Variants in RAB3GAP1 observed in about 807,000 individuals in gnomAD.
RAB3GAP1 encodes the protein rab3 GTPase-activating protein catalytic subunit.
A neutral mutation model predicts 130.7 loss-of-function variants in RAB3GAP1; 86 were observed. The observed-to-expected ratio is 0.66, with a 90% confidence interval of 0.55 to 0.79. RAB3GAP1 has a LOEUF of 0.79. RAB3GAP1 is among the 30% of genes least tolerant of loss of function. The pLI, the probability that RAB3GAP1 is intolerant of heterozygous loss-of-function variation, is 0.00. For synonymous variants in RAB3GAP1, 367 were observed against 401.7 expected (o/e 0.91, Z 1.03); for missense variants, 1,029 against 1,169.4 (o/e 0.88, Z 1.75).
intron 3 of RAB3GAP1, among the ~76,000 whole-genome samples, chr2:135,081,705 A>G (rs2104860104): frequency 6.6e-6 from 1 of 152,250 alleles, no homozygotes; most frequent in Non-Finnish European, 1.5e-5. Flanking sequence ...ATTTTATTCC[A>G]GAAATAGATG....
Position 135,094,725 on chromosome 2 carries a change from C to T in RAB3GAP1, c.362+1032C>T, listed in dbSNP as rs1467545913. Among the ~76,000 whole-genome samples the T allele has an allele frequency of 2.0e-5, 3 of 152,198 alleles. No homozygotes were observed. In the East Asian group the frequency reaches 5.8e-4, roughly 29 times the overall value. On this transcript the variant is annotated intron_variant, in intron 5 of 23. Transcript: ENST00000264158. ...ATGACTATCCATAAGACACTAACAT[C>T]ATTCTATTCTCTTATCTCCGTGAGT...
chr2:135,057,860 C>T, intron 2 of RAB3GAP1, 151 bp from the exon 3 acceptor site: 1 of 644,218 alleles, frequency 1.6e-6, no homozygotes, highest in South Asian at 1.8e-5. Context: ...TCTCTTACCC[C>T]ATATCCATAA....
At chr2:135,075,826 T>C (rs1689617215) in intron 3 of RAB3GAP1, among the ~76,000 whole-genome samples, 1 of 152,086 alleles carries the variant, frequency 6.6e-6, no homozygotes, top group Non-Finnish European at 1.5e-5. Context: ...AGAGTGTCAG[T>C]CTCTGTAGGC....
Position 135,162,796 on chromosome 2 carries a change from T to A in RAB3GAP1, c.2435T>A (p.Ile812Lys), listed in dbSNP as rs774735851. Residue 812 changes from isoleucine to lysine, a missense_variant, in exon 21 of 24, where the codon ATA becomes AAA. Physicochemically the swap from Ile to Lys is moderately radical, Grantham distance 102 (BLOSUM62 -3). This residue lies in a region of RAB3GAP1 where 373 missense variants were observed against 493.6 expected (regional missense o/e 0.76). Transcript: ENST00000264158. ...SSVKKIIKQI[I>K]SHSSKVLHFP... ...GTTAAGAAGATCATAAAGCAGATAA[T>A]ATCCCATTCCAGTAAAGTTTTGCAC... 1 of 1,613,908 alleles carries A rather than the reference T, an allele frequency of 6.2e-7. No homozygotes were observed. The highest frequency in any genetic ancestry group is 1.1e-5 in the South Asian group (1 of 91,086).
intron 15 of RAB3GAP1, 116 bp downstream of exon 15, chr2:135,134,149 C>G: frequency 8.6e-7 from 1 of 1,165,904 alleles, no homozygotes; most frequent in Non-Finnish European, 1.2e-6. Flanking sequence ...TGGCAAGAAG[C>G]TTAGACATGA....
chr2:135,166,016 A>G (rs1428307526), intron 23 of RAB3GAP1, among the ~76,000 whole-genome samples: 1 of 152,136 alleles, frequency 6.6e-6, no homozygotes, highest in Non-Finnish European at 1.5e-5. Context: ...TACTAAAAAT[A>G]CAAAAATTAG....
chr2:135,076,320 T>C (rs927571031), intron 3 of RAB3GAP1, among the ~76,000 whole-genome samples: 4 of 152,242 alleles, frequency 2.6e-5, no homozygotes, highest in African/African-American at 7.2e-5. Flanking sequence ...TTTATACTTT[T>C]TCCACATATG....
At chr2:135,165,710 CTTTGATTTA>C (rs574825624) in intron 23 of RAB3GAP1, among the ~76,000 whole-genome samples, 77 of 152,240 alleles carry the variant, frequency 5.1e-4, no homozygotes, top group Non-Finnish European at 1.0e-3. Flanking sequence ...TAGATGCTTG[CTTTGATTTA>C]TTTTGTTTTT....
At chr2:135,162,329 A>G in intron 19 of RAB3GAP1, 1 of 519,478 alleles carries the variant, frequency 1.9e-6, no homozygotes, top group Non-Finnish European at 3.4e-6. Flanking sequence ...ATTTGTGTGT[A>G]TTACATAAGA....
intron 2 of RAB3GAP1, among the ~76,000 whole-genome samples, chr2:135,057,367 G>C (rs1689042844): frequency 6.6e-6 from 1 of 152,108 alleles, no homozygotes; most frequent in South Asian, 2.1e-4. Flanking sequence ...GTCAGTTATT[G>C]TGGGTAGGAG....
At chr2:135,064,348 A>C (rs1428191615) in intron 3 of RAB3GAP1, among the ~76,000 whole-genome samples, 1 of 152,068 alleles carries the variant, frequency 6.6e-6, no homozygotes, top group Non-Finnish European at 1.5e-5. Context: ...ATCCTGACCC[A>C]CAGGTGGGTC....
intron 17 of RAB3GAP1, among the ~76,000 whole-genome samples, chr2:135,146,265 G>A (rs1691991611): frequency 1.3e-5 from 2 of 148,512 alleles, no homozygotes; most frequent in African/African-American, 5.0e-5. Flanking sequence ...GAGTGCAGTG[G>A]TGCGATCATG....
intron 17 of RAB3GAP1, among the ~76,000 whole-genome samples, chr2:135,137,916 C>T (rs1235927914): frequency 1.3e-5 from 2 of 151,520 alleles, no homozygotes; most frequent in African/African-American, 4.9e-5. Flanking sequence ...GCCTTGACCT[C>T]CTGGGATCAA....
At chr2:135,066,728 C>G (rs1689332770) in intron 3 of RAB3GAP1, among the ~76,000 whole-genome samples, 1 of 152,102 alleles carries the variant, frequency 6.6e-6, no homozygotes, top group Non-Finnish European at 1.5e-5. Context: ...GAGTATGATC[C>G]TTGAAGGCAA....
chr2:135,136,313 A>G (rs1051457733), intron 17 of RAB3GAP1, among the ~76,000 whole-genome samples: 2 of 152,092 alleles, frequency 1.3e-5, no homozygotes, highest in Non-Finnish European at 1.5e-5. Context: ...GCAACAGAGC[A>G]AGACTCTTGT....
intron 3 of RAB3GAP1, among the ~76,000 whole-genome samples, chr2:135,085,083 G>A (rs1689935246): frequency 1.3e-5 from 2 of 152,178 alleles, no homozygotes; most frequent in Non-Finnish European, 2.9e-5. Flanking sequence ...GTAATACAAG[G>A]AAGATGGAAG....
intron 4 of RAB3GAP1, among the ~76,000 whole-genome samples, chr2:135,093,164 A>T (rs1185422681): frequency 6.6e-6 from 1 of 152,166 alleles, no homozygotes; most frequent in Non-Finnish European, 1.5e-5. Flanking sequence ...TAAGTGTGTA[A>T]ACATAGTTTA....
chr2:135,132,357 A>T (rs1691573043), intron 13 of RAB3GAP1, among the ~76,000 whole-genome samples: 1 of 152,178 alleles, frequency 6.6e-6, no homozygotes, highest in Non-Finnish European at 1.5e-5. Context: ...ATAAACAGAA[A>T]CCACATGGAA....
chr2:135,084,670 T>C (rs1689924997), intron 3 of RAB3GAP1, among the ~76,000 whole-genome samples: 1 of 152,156 alleles, frequency 6.6e-6, no homozygotes, highest in South Asian at 2.1e-4. Context: ...GGAAATATTT[T>C]CTAGTACCTT....
Sources: gnomAD v4.1 joint callset for allele counts (sites outside exome capture counted in the v4.1 genomes callset) on GRCh38, gnomAD v4.1.1 for gene constraint, gnomAD v4.1.1 regional missense constraint, MANE v1.5 for transcripts, NCBI Gene and HGNC (gene_info 2026-07-23, HGNC 2026-07-21) for gene names.